Variants in GLB1L3 observed in about 807,000 individuals in gnomAD.
The protein encoded by GLB1L3 is galactosidase beta 1 like 3.
A neutral mutation model predicts 89.5 loss-of-function variants in GLB1L3; 89 were observed. The ratio of observed to expected loss-of-function variants is 0.99; its 90% CI spans 0.84 to 1.19. The LOEUF (loss-of-function observed/expected upper bound fraction) is 1.19. Among genes scored for constraint, GLB1L3 ranks in the 50% most tolerant of loss-of-function variants. The probability of loss-of-function intolerance (pLI) is 0.00; values close to 1 mark genes in which losing one functional copy is unlikely to be tolerated. For synonymous variants in GLB1L3, 314 were observed against 312.3 expected, an observed-to-expected ratio of 1.01 and a Z score of -0.06; for missense variants, 812 against 813.3, an observed-to-expected ratio of 1.00 and a Z score of 0.02.
downstream of GLB1L3, among the ~76,000 whole-genome samples, chr11:134,319,761 CAT>C (rs1491349395): frequency 5.4e-5 from 8 of 147,020 alleles, no homozygotes; most frequent in Admixed American, 2.0e-4. Flanking sequence ...CGCGCGCGTG[CAT>C]GTGTGTGTGT....
chr11:134,283,125 C>T (rs893809574), intron 5 of GLB1L3, among the ~76,000 whole-genome samples: 9 of 152,010 alleles, frequency 5.9e-5, no homozygotes, highest in East Asian at 1.9e-4. Context: ...TCCAGTGGCG[C>T]GATCTCGGCT....
In GLB1L3 at chr11:134,277,433, C is replaced by G. The variant is rs987685428; in HGVS notation, c.131C>G (p.Ala44Gly). The change falls in exon 2 of 20, where the codon GCG becomes GGG. Residue 44 changes from alanine to glycine, a missense_variant. This residue lies in a region of GLB1L3 where 191 missense variants were observed against 191.4 expected (regional missense o/e 1.00). Transcript: ENST00000431683. ...GAAGAGAACTTCATGCTTGGAAGAG[C>G]GCATCCGTCCCAGCCTAGGTTTGCT... is the stretch of plus-strand genomic sequence containing the variant. ...KQEENFMLGR[A>G]HPSQPRFNWS... The G allele has an allele frequency of 6.2e-7, 1 of 1,613,336 alleles. No individual in the cohort carries two copies. The highest frequency in any genetic ancestry group is 8.5e-7 in the Non-Finnish European group (1 of 1,179,512).
At chr11:134,284,150 A>C (rs1006765241) in intron 6 of GLB1L3, among the ~76,000 whole-genome samples, 5 of 152,268 alleles carry the variant, frequency 3.3e-5, no homozygotes, top group Admixed American at 1.3e-4. Flanking sequence ...CACTTTTGAC[A>C]TGGCAAAAAG....
At chr11:134,278,628 G>A (rs924515682) in intron 3 of GLB1L3, among the ~76,000 whole-genome samples, 3 of 152,148 alleles carry the variant, frequency 2.0e-5, no homozygotes, top group East Asian at 1.9e-4. Context: ...CAGAATCAGA[G>A]GCCCTGTCCT....
At chr11:134,310,369 G>C (rs1369109541) in intron 11 of GLB1L3, 1 of 579,384 alleles carries the variant, frequency 1.7e-6, no homozygotes, top group Non-Finnish European at 3.1e-6. Flanking sequence ...CAGTGTCATG[G>C]CTTGACACTG....
At position 134,313,442 on chromosome 11, in the gene GLB1L3, A is replaced by AT. The variant is rs760476998; in HGVS notation, c.1552dup (p.Ser518PhefsTer7). 2.5e-6 allele frequency: 4 copies of AT among 1,581,956 alleles called. No individual in the cohort carries two copies. The Admixed American group carries it at 7.2e-5, about 29-fold the overall frequency. ...CTGGTGGAGAATCAAGGACGAGTCA[A>AT]TTTTTCATGGCAAATACAGAATGAG... On this transcript the variant is annotated frameshift_variant, in exon 16 of 20. Transcript: ENST00000431683. LOFTEE classifies it high-confidence loss of function.
chr11:134,281,049 ATG>A (rs1940657369), intron 3 of GLB1L3, among the ~76,000 whole-genome samples: 1 of 152,248 alleles, frequency 6.6e-6, no homozygotes, highest in Non-Finnish European at 1.5e-5. Flanking sequence ...TATAAGGAAG[ATG>A]TAGACATTTT....
chr11:134,307,133 C>T lies in GLB1L3; in HGVS notation c.886C>T (p.Pro296Ser). Reference protein sequence around the residue: ...NQLHKVQRDKPLLIMEYWVGW... With the variant: ...NQLHKVQRDKSLLIMEYWVGW... ...TTTGGTTTGTTTTTAGAGAGATAAGCCCCTTCTGATTATGGAATACTGGGT... is the reference window on the plus strand; with the variant it reads ...TTTGGTTTGTTTTTAGAGAGATAAGTCCCTTCTGATTATGGAATACTGGGT... The change falls in exon 10 of 20, where the codon CCC becomes TCC. Residue 296 changes from proline (P) to serine (S), a missense_variant. Pro to Ser is a moderately conservative substitution (Grantham distance 74). Around this residue, in one of 3 missense-constraint regions of GLB1L3, gnomAD observed 618 missense variants for 604.0 expected, o/e 1.02. Coordinates refer to ENST00000431683, the MANE Select transcript of GLB1L3 (RefSeq NM_001080407.3). 1 of 1,613,008 alleles carries T rather than the reference C, an allele frequency of 6.2e-7. No individual in the cohort carries two copies.
intron 16 of GLB1L3, among the ~76,000 whole-genome samples, chr11:134,313,700 A>G (rs1013533722): frequency 2.0e-5 from 3 of 152,212 alleles, no homozygotes; most frequent in African/African-American, 7.2e-5. Flanking sequence ...GTCCTCAAGC[A>G]GGGCCAGTCT....
chr11:134,310,788 T>G (rs1038659407), intron 12 of GLB1L3, 137 bp downstream of exon 12: 4 of 674,802 alleles, frequency 5.9e-6, no homozygotes, highest in Admixed American at 2.8e-5. Flanking sequence ...CAACCTTAAC[T>G]TCGAACCCTG....
chr11:134,293,073 G>C, intron 8 of GLB1L3, 72 bp from the exon 9 acceptor site: 1 of 1,275,338 alleles, frequency 7.8e-7, no homozygotes, highest in South Asian at 1.2e-5. Context: ...GTCCGGGCCG[G>C]GGGCGCATTC....
At chr11:134,284,862 T>C (rs1249951424) in intron 6 of GLB1L3, among the ~76,000 whole-genome samples, 2 of 152,022 alleles carry the variant, frequency 1.3e-5, no homozygotes, top group African/African-American at 4.8e-5. Flanking sequence ...TACCTGCTAT[T>C]GCCCTGCATT....
rs368729198 is a variant in GLB1L3 at position 134,316,202 on chromosome 11, A to G, written c.1779+1761A>G. 1.6e-4 allele frequency among the ~76,000 whole-genome samples: 24 copies of G among 148,560 alleles called. No individual in the cohort carries two copies. In the East Asian group the frequency reaches 2.9e-3, roughly 18 times the overall value. On this transcript the variant is annotated intron_variant, in intron 18 of 19. Transcript: ENST00000431683. ...TTTGCCTATATTGGAAATGACTCCC[A>G]TACCTTTTTTTTTTTTACACGTAGA... is the stretch of plus-strand genomic sequence containing the variant.
intron 5 of GLB1L3, among the ~76,000 whole-genome samples, chr11:134,283,110 TG>T (rs1358922208): frequency 6.6e-6 from 1 of 152,104 alleles, no homozygotes; most frequent in Non-Finnish European, 1.5e-5. Flanking sequence ...TCACCCAGGC[TG>T]GAGTCCAGTG....
At chr11:134,279,280 A>G (rs2136104675) in intron 3 of GLB1L3, among the ~76,000 whole-genome samples, 1 of 149,984 alleles carries the variant, frequency 6.7e-6, no homozygotes, top group East Asian at 2.0e-4. Context: ...ATGGTTATTA[A>G]CTCATGTCCT....
At position 134,290,882 on chromosome 11, in the gene GLB1L3, T is replaced by C. The variant is rs76144707; in HGVS notation, c.730-1250T>C. Among the ~76,000 whole-genome samples the C allele has an allele frequency of 4.3e-3, 657 of 152,210 alleles. 37 individuals are homozygous for C. The East Asian group carries it at 0.11, about 26-fold the overall frequency. ...GTTCCCTGGTCTTCTTCCTCTTCTT[T>C]CAGTGACTTAGATCCTCTTCCAGGG... On this transcript the variant is annotated intron_variant, in intron 7 of 19. Coordinates refer to ENST00000431683, the MANE Select transcript of GLB1L3 (RefSeq NM_001080407.3).
chr11:134,304,978 C>G, intron 9 of GLB1L3: 5 of 724,306 alleles, frequency 6.9e-6, no homozygotes, highest in Non-Finnish European at 8.1e-6. Flanking sequence ...AGAGAAGTTG[C>G]TGTGAGAGCC....
At chr11:134,308,301 A>T (rs766674995) in intron 10 of GLB1L3, among the ~76,000 whole-genome samples, 2,830 of 27,478 alleles carry the variant, frequency 0.1, 486 homozygotes, top group African/African-American at 0.18. Flanking sequence ...CACCACCACC[A>T]CCACCACCAC....
intron 12 of GLB1L3, 156 bp downstream of exon 12, chr11:134,310,807 A>G (rs1302739801): frequency 3.2e-6 from 2 of 634,506 alleles, no homozygotes; most frequent in Non-Finnish European, 5.6e-6. Context: ...TGGGGTTAAA[A>G]TCTGTGTGAT....
Sources: allele counts gnomAD v4.1 joint callset (sites outside exome capture counted in the v4.1 genomes callset), GRCh38; gene constraint gnomAD v4.1.1; regional missense constraint gnomAD v4.1.1; transcripts MANE v1.5; gene names NCBI Gene and HGNC (gene_info 2026-07-23, HGNC 2026-07-21).